OLFML2B: variants seen among roughly 807,000 people sequenced by gnomAD.
OLFML2B encodes olfactomedin-like protein 2B.
In OLFML2B, 57 loss-of-function variants were observed where a neutral mutation model predicts 74.9. The ratio of observed to expected loss-of-function variants is 0.76; its 90% CI spans 0.61 to 0.95. OLFML2B has a LOEUF of 0.95. Ranked by LOEUF, OLFML2B falls within the 40% of genes least tolerant of loss-of-function variation. The pLI, the probability that OLFML2B is intolerant of heterozygous loss-of-function variation, is 0.00. For missense variants in OLFML2B, 986 were observed against 970.6 expected (o/e 1.02, Z -0.21); for synonymous variants, 388 against 405.8 (o/e 0.96, Z 0.53).
At chr1:162,019,808 A>C in intron 2 of OLFML2B, 111 bp downstream of exon 2, 988 of 1,129,796 alleles carry the variant, frequency 8.7e-4, no homozygotes, top group Non-Finnish European at 1.1e-3. Context: ...ACTCTAGGGA[A>C]CAGGCCTGAC....
At chr1:161,993,982 AC>A (rs1332792604) in intron 6 of OLFML2B, among the ~76,000 whole-genome samples, 1 of 151,778 alleles carries the variant, frequency 6.6e-6, no homozygotes, top group African/African-American at 2.4e-5. Flanking sequence ...ATACTAGATG[AC>A]TCTTTATCCT....
intron 3 of OLFML2B, among the ~76,000 whole-genome samples, chr1:162,007,819 T>C (rs1690275717): frequency 6.6e-6 from 1 of 152,156 alleles, no homozygotes; most frequent in Admixed American, 6.5e-5. Flanking sequence ...TAAATGAACC[T>C]GGCTCCCGAA....
chr1:161,983,443 C>G lies in OLFML2B; in HGVS notation c.*232G>C, dbSNP rs1026852304. Reference sequence around the variant, plus strand: ...TGGTTACTGGTCAAAAGGAGAAGTTCATTTGCACAAAAATATAAACTGGGG... The same window carrying G: ...TGGTTACTGGTCAAAAGGAGAAGTTGATTTGCACAAAAATATAAACTGGGG... On this transcript the variant is annotated 3_prime_UTR_variant, in exon 8 of 8. Coordinates refer to ENST00000294794, the MANE Select transcript of OLFML2B (RefSeq NM_015441.3). 7 of 398,752 alleles carry G rather than the reference C, an allele frequency of 1.8e-5. No homozygotes were observed. Among genetic ancestry groups the G allele is most frequent in the African/African-American group, 1.4e-4 (7 of 48,954 alleles). 24.7% of individuals were successfully genotyped at this position (398,752 alleles called of 1,614,324 possible). A position where few individuals can be genotyped will look rare whatever the true frequency, so the allele number is the denominator to read the frequency against.
chr1:162,018,447 A>G (rs531647116), intron 2 of OLFML2B, among the ~76,000 whole-genome samples: 23 of 152,312 alleles, frequency 1.5e-4, no homozygotes, highest in Admixed American at 2.6e-4. Flanking sequence ...ACTCAATTTC[A>G]TTGTCTACTA....
intron 1 of OLFML2B, among the ~76,000 whole-genome samples, chr1:162,020,455 G>A (rs970584699): frequency 3.9e-5 from 6 of 152,128 alleles, no homozygotes; most frequent in African/African-American, 9.7e-5. Context: ...AAAACCAGAT[G>A]AGCCAAGTCA....
Position 162,020,105 on chromosome 1 carries a change from C to G in OLFML2B, c.252G>C (p.Leu84=). ...TGATCCTCTGGCAGGCATCCCGGCC[C>G]AGGGGTCTCACCACACACTTGCACT... ...DCQCKCVVRP[L]GRDACQRINA... is the part of the protein sequence containing the mutation. Residue 84 remains leucine (L), a synonymous_variant, in exon 2 of 8, where the codon CTG becomes CTC. Coordinates refer to ENST00000294794, the MANE Select transcript of OLFML2B (RefSeq NM_015441.3). The G allele has an allele frequency of 6.2e-7, 1 of 1,614,182 alleles. No homozygotes were observed. Among genetic ancestry groups the G allele is most frequent in the African/African-American group, 1.3e-5 (1 of 75,044 alleles).
intron 3 of OLFML2B, among the ~76,000 whole-genome samples, chr1:162,012,914 T>C (rs1219007592): frequency 1.3e-5 from 2 of 152,212 alleles, no homozygotes; most frequent in African/African-American, 4.8e-5. Context: ...TGTTTGTCTT[T>C]TTCTCCACTT....
At chr1:161,984,393 C>T (rs1689528773) in intron 7 of OLFML2B, 117 bp from the exon 8 acceptor site, 2 of 1,362,916 alleles carry the variant, frequency 1.5e-6, no homozygotes, top group Non-Finnish European at 2.0e-6. Context: ...TGTGTCTTGG[C>T]TCTGCCACTT....
At chr1:162,001,946 G>A (rs1690092356) in intron 4 of OLFML2B, among the ~76,000 whole-genome samples, 1 of 152,238 alleles carries the variant, frequency 6.6e-6, no homozygotes, top group African/African-American at 2.4e-5. Flanking sequence ...CGCTGTGAGA[G>A]TGCCCTGTGA....
Position 161,984,933 on chromosome 1 carries a change from T to C in OLFML2B, c.1522A>G (p.Asn508Asp), listed in dbSNP as rs764773868. ...LSTITGPTTQ[N>D]TYGRNEGAWM... Reference sequence around the variant, plus strand: ...GCCCCTTCATTCCGCCCATATGTGTTCTGGGTGGTCGGCCCCGTGATTGTG... The same window carrying C: ...GCCCCTTCATTCCGCCCATATGTGTCCTGGGTGGTCGGCCCCGTGATTGTG... The change falls in exon 7 of 8, where the codon AAC becomes GAC. Residue 508 changes from asparagine to aspartate, a missense_variant. By Grantham distance (23) the Asn-to-Asp change is conservative. Coordinates refer to ENST00000294794, the MANE Select transcript of OLFML2B (RefSeq NM_015441.3). 6.2e-7 allele frequency: 1 copy of C among 1,611,938 alleles called. No homozygotes were observed. Among genetic ancestry groups the C allele is most frequent in the Non-Finnish European group, 8.5e-7 (1 of 1,179,476 alleles).
chr1:162,004,845 G>A (rs1005353802), intron 4 of OLFML2B, among the ~76,000 whole-genome samples: 9 of 152,200 alleles, frequency 5.9e-5, no homozygotes, highest in African/African-American at 1.9e-4. Flanking sequence ...CCCCGAAGCC[G>A]AGGGGATCCC....
intron 4 of OLFML2B, 49 bp downstream of exon 4, chr1:162,006,248 C>T (rs1690225906): frequency 6.7e-7 from 1 of 1,489,608 alleles, no homozygotes; most frequent in South Asian, 1.4e-5. Flanking sequence ...ATGCTGATAT[C>T]ACACTTCCAG....
At position 161,996,020 on chromosome 1, in the gene OLFML2B, C is replaced by A. The variant is rs75496046; in HGVS notation, c.1474+1805G>T. Among the ~76,000 whole-genome samples, 45 of 152,240 alleles carry A rather than the reference C, an allele frequency of 3.0e-4. No individual in the cohort carries two copies. The East Asian group carries it at 5.6e-3, about 19-fold the overall frequency. On this transcript the variant is annotated intron_variant, in intron 6 of 7. Coordinates refer to ENST00000294794, the MANE Select transcript of OLFML2B (RefSeq NM_015441.3). ...GCAGTCTGCAGAAACACAGCAGGAC[C>A]CCTGCTTCAGAAACTTAAACATTCT...
In OLFML2B at chr1:162,000,169, C is replaced by A; in HGVS notation, c.893G>T (p.Gly298Val). The change falls in exon 5 of 8, where the codon GGC (glycine) becomes GTC (valine). Residue 298 changes from glycine to valine, a missense_variant. Physicochemically the swap from Gly to Val is moderately radical, Grantham distance 109 (BLOSUM62 -3). Transcript: ENST00000294794. Reference sequence around the variant, plus strand: ...GACCTTGGCTTTATAGTAGGTGATGCCCCGGATGACAGTGGGCTGGGAGGC... The same window carrying A: ...GACCTTGGCTTTATAGTAGGTGATGACCCGGATGACAGTGGGCTGGGAGGC... ...RPASQPTVIRGITYYKAKVSE... is the reference protein window; with the variant it reads ...RPASQPTVIRVITYYKAKVSE... 6.2e-7 allele frequency: 1 copy of A among 1,613,140 alleles called. No individual in the cohort carries two copies. The highest frequency in any genetic ancestry group is 8.5e-7 in the Non-Finnish European group (1 of 1,179,334).
At chr1:162,000,091 G>C in intron 5 of OLFML2B, 22 bp downstream of exon 5, 1 of 1,549,650 alleles carries the variant, frequency 6.5e-7, no homozygotes, top group Non-Finnish European at 8.8e-7. Context: ...CCTCTGGGGC[G>C]GCCCTGTTGA....
intron 4 of OLFML2B, among the ~76,000 whole-genome samples, chr1:162,005,461 A>G (rs1363138281): frequency 6.6e-6 from 1 of 152,262 alleles, no homozygotes; most frequent in African/African-American, 2.4e-5. Flanking sequence ...CTGCTTTTCT[A>G]GAGCTGTGAC....
rs745636076 is a variant in OLFML2B at position 161,983,956 on chromosome 1, T to A, written c.1972A>T (p.Thr658Ser). The A allele has an allele frequency of 6.2e-7, 1 of 1,614,216 alleles. No homozygotes were observed. Among genetic ancestry groups the A allele is most frequent in the East Asian group, 2.2e-5 (1 of 44,882 alleles). Reference protein sequence around the residue: ...LSKLNAADLSTQKETTWRTGL... With the variant: ...LSKLNAADLSSQKETTWRTGL... ...GTGCGCCATGTGGTCTCCTTCTGTG[T>A]GCTCAGGTCCGCGGCATTGAGCTTG... Residue 658 changes from threonine to serine, a missense_variant, in exon 8 of 8, where the codon ACA (threonine) becomes TCA (serine). Thr to Ser is a moderately conservative substitution (Grantham distance 58). Transcript: ENST00000294794.
intron 2 of OLFML2B, 62 bp downstream of exon 2, chr1:162,019,857 C>T (rs1417436737): frequency 1.9e-6 from 3 of 1,577,146 alleles, no homozygotes; most frequent in Admixed American, 1.7e-5. Context: ...CATGGCCTTA[C>T]CAGACTTGTG....
At chr1:161,988,245 C>T (rs185353877) in intron 6 of OLFML2B, among the ~76,000 whole-genome samples, 17 of 152,324 alleles carry the variant, frequency 1.1e-4, no homozygotes, top group Admixed American at 2.6e-4. Flanking sequence ...CTGTTTCAAA[C>T]GTTACCAGGG....
Sources: gnomAD v4.1 joint callset for allele counts (sites outside exome capture counted in the v4.1 genomes callset) on GRCh38, gnomAD v4.1.1 for gene constraint, MANE v1.5 for transcripts, NCBI Gene and HGNC (gene_info 2026-07-23, HGNC 2026-07-21) for gene names.